ATAD2B: variants seen among roughly 807,000 people sequenced by gnomAD.
The protein encoded by ATAD2B is ATPase family AAA domain containing 2B.
ATAD2B carries 40 observed loss-of-function variants against 167.6 expected under a neutral mutation model. The ratio of observed to expected loss-of-function variants is 0.24; its 90% confidence interval spans 0.19 to 0.31. ATAD2B has a LOEUF of 0.31. ATAD2B is among the 10% of genes least tolerant of loss of function. ATAD2B has a pLI of 1.00. For synonymous variants in ATAD2B, 579 were observed against 596.5 expected (o/e 0.97, Z 0.43); for missense variants, 1,242 against 1,757.2 (o/e 0.71, Z 5.24).
At chr2:23,856,810 C>T (rs1338190164) in intron 13 of ATAD2B, among the ~76,000 whole-genome samples, 2 of 151,600 alleles carry the variant, frequency 1.3e-5, no homozygotes, top group Non-Finnish European at 1.5e-5. Flanking sequence ...CAGTGAGCCG[C>T]GATTACGCCA....
the ATAD2B span, among the ~76,000 whole-genome samples, chr2:23,709,522 G>T: frequency 6.6e-6 from 1 of 152,146 alleles, no homozygotes; most frequent in Non-Finnish European, 1.5e-5. Flanking sequence ...CCTCTGGCAG[G>T]GAAAGTAGTT....
chr2:23,865,289 G>A (rs1694966942), intron 10 of ATAD2B, among the ~76,000 whole-genome samples: 4 of 152,100 alleles, frequency 2.6e-5, no homozygotes, highest in South Asian at 4.2e-4. Context: ...AGCACTTTGG[G>A]AGCCCAAGGA....
In ATAD2B at chr2:23,926,897, C is replaced by A; in HGVS notation, c.-127G>T. ...GAGAGACGAGCCGGCCCGGAGCGTG[C>A]GGAGCGCAGACGAGCACAAGAGAGA... On this transcript the variant is annotated 5_prime_UTR_variant, in exon 1 of 28. Transcript: ENST00000238789. 2 of 1,190,790 alleles carry A rather than the reference C, an allele frequency of 1.7e-6. No homozygotes were observed. Among genetic ancestry groups the A allele is most frequent in the African/African-American group, 1.6e-5 (1 of 61,618 alleles). The allele number at this position is 1,190,790 out of a possible 1,614,324, so 73.8% of individuals were successfully genotyped here. A position where few individuals can be genotyped will look rare whatever the true frequency, so the allele number is the denominator to read the frequency against.
intron 1 of ATAD2B, 32 bp from the exon 2 acceptor site, chr2:23,896,002 T>C (rs570821980): frequency 1.9e-6 from 3 of 1,557,146 alleles, no homozygotes; most frequent in South Asian, 2.3e-5. Context: ...GTATTTATTA[T>C]TCCTATTAAG....
intron 14 of ATAD2B, among the ~76,000 whole-genome samples, chr2:23,833,144 C>T (rs963614096): frequency 3.2e-4 from 48 of 152,220 alleles, no homozygotes; most frequent in African/African-American, 1.1e-3. Flanking sequence ...AACTGCTCTA[C>T]ACAGGGAAGC....
the ATAD2B span, chr2:23,695,615 C>G: frequency 6.5e-7 from 1 of 1,544,346 alleles, no homozygotes; most frequent in Non-Finnish European, 8.7e-7. This position sits in a 1 kb window ranked among gnomAD's most constrained non-coding sequence, Gnocchi z 7.6. Flanking sequence ...GTCTCCTGTA[C>G]CCTGCAGTAC....
Position 23,753,703 on chromosome 2 carries a change from C to T in ATAD2B, c.4335+476G>A, listed in dbSNP as rs1675623004. 2.0e-5 allele frequency among the ~76,000 whole-genome samples: 3 copies of T among 152,002 alleles called. No homozygotes were observed. In the South Asian group the frequency reaches 6.2e-4, roughly 31 times the overall value. ...GCTAATTTATAGGACTAGATTTGAC[C>T]AAAATAAGATGACTTTTGAGTTATC... On this transcript the variant is annotated intron_variant, in intron 27 of 27. Coordinates refer to ENST00000238789, the MANE Select transcript of ATAD2B (RefSeq NM_017552.4).
chr2:23,733,402 G>T, the ATAD2B span, among the ~76,000 whole-genome samples: 2 of 152,164 alleles, frequency 1.3e-5, no homozygotes, highest in African/African-American at 4.8e-5. Flanking sequence ...TCAATTGCTA[G>T]ACACCCTCTA....
intron 22 of ATAD2B, among the ~76,000 whole-genome samples, chr2:23,766,920 GAA>G (rs35692182): frequency 6.9e-6 from 1 of 144,190 alleles, no homozygotes; most frequent in South Asian, 2.2e-4. Flanking sequence ...AGTAAGGGGG[GAA>G]AAAAAAAAAA....
At chr2:23,702,127 T>TGGCTCTTTTTAACTACCCCCCAC in the ATAD2B span, among the ~76,000 whole-genome samples, 37 of 152,144 alleles carry the variant, frequency 2.4e-4, no homozygotes, top group Non-Finnish European at 3.8e-4. Flanking sequence ...CCAGCCCACA[T>TGGCTCTTTTTAACTACCCCCCAC]GGCTCTTTTT....
At chr2:23,867,447 CT>C (rs1373191697) in intron 10 of ATAD2B, among the ~76,000 whole-genome samples, 1 of 152,210 alleles carries the variant, frequency 6.6e-6, no homozygotes, top group Non-Finnish European at 1.5e-5. Flanking sequence ...GATTACTAGA[CT>C]ACAGCAACAT....
chr2:23,703,903 G>C, the ATAD2B span: 1 of 1,516,830 alleles, frequency 6.6e-7, no homozygotes, highest in East Asian at 2.5e-5. Context: ...TGGGACGGAG[G>C]AGTGGGAGGA....
At chr2:23,709,134 C>T in the ATAD2B span, among the ~76,000 whole-genome samples, 2 of 152,228 alleles carry the variant, frequency 1.3e-5, no homozygotes, top group South Asian at 2.1e-4. Context: ...CTCCGCCTCC[C>T]GGGTTCAAGC....
At chr2:23,911,589 A>G (rs1281452256) in intron 1 of ATAD2B, among the ~76,000 whole-genome samples, 4 of 151,052 alleles carry the variant, frequency 2.6e-5, no homozygotes. Flanking sequence ...GAGAAAGAAG[A>G]GAACAGAGGA....
the ATAD2B span, chr2:23,703,099 C>T: frequency 6.2e-6 from 6 of 960,216 alleles, no homozygotes; most frequent in South Asian, 1.3e-4. Context: ...GGGCGAGGAG[C>T]AGATGGCAGT....
the ATAD2B span, among the ~76,000 whole-genome samples, chr2:23,688,511 G>T: frequency 1.3e-5 from 2 of 152,182 alleles, no homozygotes; most frequent in African/African-American, 4.8e-5. Context: ...GTGGCTAATG[G>T]TGGGATTGCA....
intron 1 of ATAD2B, among the ~76,000 whole-genome samples, chr2:23,908,131 T>C (rs1701756500): frequency 6.6e-6 from 1 of 151,892 alleles, no homozygotes; most frequent in Non-Finnish European, 1.5e-5. Flanking sequence ...AAAGACAAAA[T>C]TGACAAATGG....
At chr2:23,728,824 T>C in the ATAD2B span, among the ~76,000 whole-genome samples, 1 of 152,194 alleles carries the variant, frequency 6.6e-6, no homozygotes, top group Non-Finnish European at 1.5e-5. Flanking sequence ...ATTCTCCTTG[T>C]TGAAGAAGGA....
At chr2:23,767,179 T>C (rs1309771763) in intron 22 of ATAD2B, among the ~76,000 whole-genome samples, 1 of 152,196 alleles carries the variant, frequency 6.6e-6, no homozygotes, top group African/African-American at 2.4e-5. Flanking sequence ...CCCTGACTCA[T>C]TCCGATTACC....
Sources: allele counts gnomAD v4.1 joint callset (sites outside exome capture counted in the v4.1 genomes callset), GRCh38; gene constraint gnomAD v4.1.1; non-coding constraint Gnocchi (gnomAD v3.1); transcripts MANE v1.5; gene names NCBI Gene and HGNC (gene_info 2026-07-23, HGNC 2026-07-21).